The following AGAP1 variants were observed in gnomAD, a reference collection of about 807,000 sequenced individuals.
AGAP1 encodes the protein arf-GAP with GTPase, ANK repeat and PH domain-containing protein 1.
In AGAP1, 29 loss-of-function variants were observed where a neutral mutation model predicts 105.3. That is an observed-to-expected ratio of 0.28 (90% CI 0.21 to 0.38). The LOEUF (loss-of-function observed/expected upper bound fraction) is 0.38, where lower values mean the gene tolerates loss of function less well. Among genes scored for constraint, AGAP1 ranks in the 10% least tolerant of loss-of-function variants. AGAP1 has a pLI of 1.00. For synonymous variants in AGAP1, 509 were observed against 485.9 expected, an observed-to-expected ratio of 1.05 and a Z score of -0.63; for missense variants, 998 against 1,165.1, an observed-to-expected ratio of 0.86 and a Z score of 2.09.
rs187152644 is a variant in AGAP1, at chr2:235,768,951, C to A, written c.673+18463C>A. On this transcript the variant is annotated intron_variant, in intron 6 of 17. Coordinates refer to ENST00000304032, the MANE Select transcript of AGAP1 (RefSeq NM_001037131.3). ...AATACAGTTTGAAAAACCCTGATCT[C>A]AGAAATAGGATTCCTGATGACAGAC... is the stretch of plus-strand genomic sequence containing the variant. 2.0e-5 allele frequency among the ~76,000 whole-genome samples: 3 copies of A among 152,294 alleles called. 1 individual carries two copies. Among genetic ancestry groups the A allele is most frequent in the African/African-American group, 7.2e-5 (3 of 41,556 alleles).
At position 235,584,972 on chromosome 2, in the gene AGAP1, A is replaced by G. The variant is rs1341427367; in HGVS notation, c.163+90123A>G. ...AACTCCTTTTAGGCGTCACCCCCCT[A>G]CCCACTTAGGTACAGTGCTGCTGCT... On this transcript the variant is annotated intron_variant, in intron 1 of 17. Coordinates refer to ENST00000304032, the MANE Select transcript of AGAP1 (RefSeq NM_001037131.3). 8.8e-5 allele frequency among the ~76,000 whole-genome samples: 11 copies of G among 124,346 alleles called. No individual in the cohort carries two copies. The Admixed American group carries it at 1.1e-3, about 12-fold the overall frequency. The allele number at this position is 124,346 out of a possible 152,430, so 81.6% of individuals were successfully genotyped here.
At position 235,906,956 on chromosome 2, in the gene AGAP1, C is replaced by A. The variant is rs1445847123; in HGVS notation, c.1156-1782C>A. On this transcript the variant is annotated intron_variant, in intron 10 of 17. Transcript: ENST00000304032. This position sits in a 1 kb window ranked among gnomAD's most constrained non-coding sequence, Gnocchi z 5.3. ...TCTTGAATCCGGAAGGCAGAGGTTA[C>A]AGTGAGCTGAGTTCATGCCACTCCA... 2.0e-5 allele frequency among the ~76,000 whole-genome samples: 3 copies of A among 152,184 alleles called. No individual in the cohort carries two copies. Among genetic ancestry groups the A allele is most frequent in the African/African-American group, 7.2e-5 (3 of 41,438 alleles).
At chr2:235,497,674 G>A (rs1452678920) in intron 1 of AGAP1, among the ~76,000 whole-genome samples, 2 of 152,208 alleles carry the variant, frequency 1.3e-5, no homozygotes, top group African/African-American at 4.8e-5. Flanking sequence ...TCGGCTCACT[G>A]CAGGCTCCGC....
At chr2:235,948,698 C>T (rs766425861) in intron 12 of AGAP1, among the ~76,000 whole-genome samples, 5 of 151,986 alleles carry the variant, frequency 3.3e-5, no homozygotes, top group East Asian at 1.9e-4. Flanking sequence ...TGGGCAGAGG[C>T]GGGTGTTTGA....
chr2:236,015,403 A>G (rs1349731), intron 13 of AGAP1, among the ~76,000 whole-genome samples: 99,626 of 151,988 alleles, frequency 0.66, 34,076 homozygotes, highest in African/African-American at 0.85. Flanking sequence ...TTGTAAAGTC[A>G]GTATTTTGTT....
intron 6 of AGAP1, chr2:235,783,243 T>TA (rs745483142): frequency 7.9e-5 from 32 of 405,836 alleles, no homozygotes; most frequent in South Asian, 1.7e-4. Context: ...ATTTGGGGAT[T>TA]AAAAAAAAGA....
intron 11 of AGAP1, among the ~76,000 whole-genome samples, chr2:235,916,158 G>A (rs756932448): frequency 1.1e-5 from 1 of 94,248 alleles, no homozygotes; most frequent in Non-Finnish European, 2.2e-5. Flanking sequence ...TTACTGAAGG[G>A]TCTACTCCAG....
chr2:235,628,103 G>C (rs1221692238), intron 1 of AGAP1, among the ~76,000 whole-genome samples: 1 of 152,174 alleles, frequency 6.6e-6, no homozygotes, highest in Non-Finnish European at 1.5e-5. Context: ...AGGAGAAGGG[G>C]GAGCACTAGA....
intron 16 of AGAP1, among the ~76,000 whole-genome samples, chr2:236,077,461 G>A (rs943741997): frequency 6.6e-6 from 1 of 151,858 alleles, no homozygotes; most frequent in Non-Finnish European, 1.5e-5. Context: ...TGGGATTACA[G>A]GTGCGTGCCA....
rs2125041602 is a variant in AGAP1, at chr2:235,908,778, T to A, written c.1196T>A (p.Leu399Gln). 2 of 1,613,862 alleles carry A rather than the reference T, an allele frequency of 1.2e-6. No individual in the cohort carries two copies. Among genetic ancestry groups the A allele is most frequent in the East Asian group, 4.5e-5 (2 of 44,856 alleles). The change falls in exon 11 of 18, where the codon CTG (leucine) becomes CAG (glutamine). Residue 399 changes from leucine (L) to glutamine (Q), a missense_variant. Physicochemically the swap from Leu to Gln is moderately radical, Grantham distance 113. Coordinates refer to ENST00000304032, the MANE Select transcript of AGAP1 (RefSeq NM_001037131.3). This position sits in a 1 kb window ranked among gnomAD's most constrained non-coding sequence, Gnocchi z 4.4. Reference sequence around the variant, plus strand: ...GTTCATGGTAAGGAGATTGACCTTCTGAGAACCACTGTGAAAGTCCCAGGG... The same window carrying A: ...GTTCATGGTAAGGAGATTGACCTTCAGAGAACCACTGTGAAAGTCCCAGGG... ...QNVHGKEIDL[L>Q]RTTVKVPGKR...
chr2:235,724,022 C>G lies in AGAP1; in HGVS notation c.310+6378C>G, dbSNP rs1951524576. Reference sequence around the variant, plus strand: ...GTGGTGTCGTAGCCTGCTGCCGCCACACAGAGGGATTTGCAGGGAAGGGCC... The same window carrying G: ...GTGGTGTCGTAGCCTGCTGCCGCCAGACAGAGGGATTTGCAGGGAAGGGCC... On this transcript the variant is annotated intron_variant, in intron 3 of 17. Coordinates refer to ENST00000304032, the MANE Select transcript of AGAP1 (RefSeq NM_001037131.3). The surrounding 1 kb of genome is among the most constrained non-coding windows in gnomAD (Gnocchi z 4.9). Among the ~76,000 whole-genome samples, 1 of 152,192 alleles carries G rather than the reference C, an allele frequency of 6.6e-6. No individual in the cohort carries two copies. Among genetic ancestry groups the G allele is most frequent in the Non-Finnish European group, 1.5e-5 (1 of 68,042 alleles).
rs1215844265 is a variant in AGAP1 at position 235,883,528 on chromosome 2, C to T, written c.1155+79C>T. ...GTGGGGAAGGGGAACCTACCAGCAGCCCAGCCTCTTGTCTCTGTTTGAAGT... is the reference window on the plus strand; with the variant it reads ...GTGGGGAAGGGGAACCTACCAGCAGTCCAGCCTCTTGTCTCTGTTTGAAGT... On this transcript the variant is annotated intron_variant, in intron 10 of 17. Transcript: ENST00000304032. This position sits in a 1 kb window ranked among gnomAD's most constrained non-coding sequence, Gnocchi z 4.5. 4.5e-5 allele frequency: 52 copies of T among 1,164,204 alleles called. No homozygotes were observed. Among genetic ancestry groups the T allele is most frequent in the Non-Finnish European group, 6.2e-5 (49 of 793,148 alleles). 72.1% of individuals were successfully genotyped at this position (1,164,204 alleles called of 1,614,324 possible).
intron 13 of AGAP1, among the ~76,000 whole-genome samples, chr2:235,990,648 C>A (rs866470738): frequency 5.3e-5 from 8 of 152,100 alleles, no homozygotes; most frequent in Non-Finnish European, 7.4e-5. Flanking sequence ...CCTCTGTGAC[C>A]TTGCCTCAGA....
intron 1 of AGAP1, among the ~76,000 whole-genome samples, chr2:235,539,451 C>A (rs1339105122): frequency 6.6e-6 from 1 of 152,196 alleles, no homozygotes; most frequent in African/African-American, 2.4e-5. Context: ...GGGTGCTGGC[C>A]TGTCACCTCC....
chr2:235,890,980 T>C (rs914772159), intron 10 of AGAP1, among the ~76,000 whole-genome samples: 1 of 150,972 alleles, frequency 6.6e-6, no homozygotes, highest in Non-Finnish European at 1.5e-5. Flanking sequence ...TCTTTCTTTC[T>C]CAAGATGCTA....
rs943609011 is a variant in AGAP1 at position 235,562,787 on chromosome 2, C to T, written c.163+67938C>T. On this transcript the variant is annotated intron_variant, in intron 1 of 17. Transcript: ENST00000304032. ...AAAATGGGGATGCTGGCTGGTGTCG[C>T]GGCTCATGCCTGTAATCTCAGAATT... Among the ~76,000 whole-genome samples, 26 of 152,102 alleles carry T rather than the reference C, an allele frequency of 1.7e-4. 1 individual carries two copies. The highest frequency in any genetic ancestry group is 3.1e-4 in the African/African-American group (13 of 41,400).
chr2:235,506,547 C>T (rs1941821765), intron 1 of AGAP1, among the ~76,000 whole-genome samples: 1 of 151,992 alleles, frequency 6.6e-6, no homozygotes, highest in Admixed American at 6.6e-5. Context: ...ACTGTGATGA[C>T]TATGATATTG....
intron 1 of AGAP1, among the ~76,000 whole-genome samples, chr2:235,687,502 C>G (rs748507590): frequency 6.6e-6 from 1 of 152,146 alleles, no homozygotes; most frequent in Non-Finnish European, 1.5e-5. Flanking sequence ...AGCCCTTCAT[C>G]GTAGATACCA....
At chr2:235,791,098 G>A (rs1246787582) in intron 6 of AGAP1, among the ~76,000 whole-genome samples, 1 of 152,214 alleles carries the variant, frequency 6.6e-6, no homozygotes, top group Non-Finnish European at 1.5e-5. Flanking sequence ...ACATTTAGGA[G>A]ATGGGCTTGA....
Sources: gnomAD v4.1 joint callset for allele counts (sites outside exome capture counted in the v4.1 genomes callset) on GRCh38, gnomAD v4.1.1 for gene constraint, Gnocchi (gnomAD v3.1) non-coding constraint, MANE v1.5 for transcripts, NCBI Gene and HGNC (gene_info 2026-07-23, HGNC 2026-07-21) for gene names.